Variants in KALRN observed in about 807,000 individuals in gnomAD.
KALRN encodes kalirin RhoGEF kinase.
In KALRN, 70 loss-of-function variants were observed where a neutral mutation model predicts 353.7. The observed-to-expected ratio is 0.20, with a 90% CI of 0.16 to 0.24. KALRN has a LOEUF of 0.24. Ranked by LOEUF, KALRN falls within the 10% of genes least tolerant of loss-of-function variation. The pLI is 1.00. For synonymous variants in KALRN, 1,391 were observed against 1,434.8 expected, an observed-to-expected ratio of 0.97 and a Z score of 0.69; for missense variants, 2,791 against 3,756.7, an observed-to-expected ratio of 0.74 and a Z score of 6.72.
intron 10 of KALRN, among the ~76,000 whole-genome samples, chr3:124,368,502 A>G (rs2085330819): frequency 7.0e-6 from 1 of 143,294 alleles, no homozygotes; most frequent in Admixed American, 6.9e-5. Context: ...CCTAGATGTG[A>G]TGGTGGCTGG....
intron 32 of KALRN, 82 bp downstream of exon 32, chr3:124,492,964 G>A (rs565912093): frequency 7.2e-6 from 11 of 1,520,250 alleles, no homozygotes; most frequent in African/African-American, 2.7e-5. Context: ...GCTTCTGAAG[G>A]GGGATGTGCC....
chr3:124,594,672 G>T (rs1453440961), intron 34 of KALRN, among the ~76,000 whole-genome samples: 8 of 152,328 alleles, frequency 5.3e-5, no homozygotes, highest in African/African-American at 1.9e-4. Context: ...ATCTTTCCAG[G>T]ATCAGATTAT....
At chr3:124,382,169 G>A (rs979432986) in intron 10 of KALRN, among the ~76,000 whole-genome samples, 3 of 152,176 alleles carry the variant, frequency 2.0e-5, no homozygotes, top group Admixed American at 6.5e-5. Context: ...AACTTCATAG[G>A]GTTATTGCGA....
chr3:124,143,779 A>G (rs1364911261), intron 1 of KALRN, among the ~76,000 whole-genome samples: 1 of 152,224 alleles, frequency 6.6e-6, no homozygotes, highest in Non-Finnish European at 1.5e-5. Context: ...AAAGCTTCCA[A>G]TAAAGACTAA....
chr3:124,347,320 G>GTA lies in KALRN; in HGVS notation c.1770+56_1770+57insAT. On this transcript the variant is annotated intron_variant, in intron 10 of 59. Transcript: ENST00000682506. ...TGTGTGTGTGTGTGTGTGTGTGTGTGTCTAGATGAGGGAGGCATGATGACT... is the reference window on the plus strand; with the variant it reads ...TGTGTGTGTGTGTGTGTGTGTGTGTGTATCTAGATGAGGGAGGCATGATGACT... The GTA allele has an allele frequency of 2.6e-6, 4 of 1,515,420 alleles. No homozygotes were observed. The East Asian group carries it at 9.8e-5, about 37-fold the overall frequency. 93.9% of individuals were successfully genotyped at this position (1,515,420 alleles called of 1,614,324 possible).
chr3:124,132,477 C>T (rs986462505), intron 1 of KALRN, among the ~76,000 whole-genome samples: 4 of 152,196 alleles, frequency 2.6e-5, no homozygotes, highest in Non-Finnish European at 5.9e-5. Flanking sequence ...AACACATACT[C>T]CTGGACTTCT....
intron 33 of KALRN, among the ~76,000 whole-genome samples, chr3:124,499,176 G>A (rs542857453): frequency 8.5e-5 from 13 of 152,236 alleles, no homozygotes; most frequent in African/African-American, 3.1e-4. Context: ...AACCATTAAA[G>A]AGCCATGACA....
At chr3:124,198,052 G>C (rs1208810093) in intron 1 of KALRN, among the ~76,000 whole-genome samples, 3 of 152,166 alleles carry the variant, frequency 2.0e-5, no homozygotes, top group Admixed American at 6.5e-5. Context: ...CAGACCCAGA[G>C]AGACAGACAT....
chr3:124,423,721 A>G (rs767763568), intron 15 of KALRN, among the ~76,000 whole-genome samples: 4 of 152,164 alleles, frequency 2.6e-5, no homozygotes, highest in Non-Finnish European at 5.9e-5. Context: ...AATTCTCAAT[A>G]TTAGCTGAAT....
At chr3:124,643,080 G>T (rs975963090) in intron 37 of KALRN, among the ~76,000 whole-genome samples, 1 of 152,046 alleles carries the variant, frequency 6.6e-6, no homozygotes, top group African/African-American at 2.4e-5. Flanking sequence ...GCCTCCCAAA[G>T]TGCTGGGATT....
chr3:124,575,945 T>C (rs896086936), intron 34 of KALRN, among the ~76,000 whole-genome samples: 3 of 152,106 alleles, frequency 2.0e-5, no homozygotes, highest in Non-Finnish European at 4.4e-5. Flanking sequence ...GATGTGGACA[T>C]CTTTGGCGGA....
chr3:124,036,064 T>G (rs2039389996), intron 1 of KALRN, among the ~76,000 whole-genome samples: 1 of 152,244 alleles, frequency 6.6e-6, no homozygotes, highest in African/African-American at 2.4e-5. Flanking sequence ...TTTTTATTTT[T>G]TGTTGTTAAT....
At chr3:124,265,207 T>C (rs187994208) in intron 4 of KALRN, among the ~76,000 whole-genome samples, 34 of 152,124 alleles carry the variant, frequency 2.2e-4, no homozygotes, top group Admixed American at 1.9e-3. Flanking sequence ...GATTGTTAAC[T>C]ATAATTCCTC....
chr3:124,619,141 T>TA (rs978051269), intron 34 of KALRN, among the ~76,000 whole-genome samples: 1 of 147,396 alleles, frequency 6.8e-6, no homozygotes, highest in Non-Finnish European at 1.5e-5. Flanking sequence ...TTTTTTTTTT[T>TA]AAGATTCCAC....
rs763598108 is a variant in KALRN, at chr3:124,724,829, G to A, written c.*5359G>A. On this transcript the variant is annotated 3_prime_UTR_variant, in exon 60 of 60. Coordinates refer to ENST00000682506, the MANE Select transcript of KALRN (RefSeq NM_001388419.1). Reference sequence around the variant, plus strand: ...AGCAATCACTCTAAGACAACTTTTCGTCTTTGAGGGACATTATGATAAGCC... The same window carrying A: ...AGCAATCACTCTAAGACAACTTTTCATCTTTGAGGGACATTATGATAAGCC... The A allele has an allele frequency of 9.2e-5, 14 of 152,134 alleles. No homozygotes were observed. The highest frequency in any genetic ancestry group is 1.3e-4 in the Admixed American group (2 of 15,278). 9.4% of individuals were successfully genotyped at this position (152,134 alleles called of 1,614,324 possible).
chr3:124,392,543 T>G (rs2089554495), intron 11 of KALRN, among the ~76,000 whole-genome samples: 1 of 149,996 alleles, frequency 6.7e-6, no homozygotes, highest in African/African-American at 2.4e-5. Flanking sequence ...AAACTTTTTT[T>G]TTTTGGAGAC....
At chr3:124,121,962 T>G (rs1024734921) in intron 1 of KALRN, among the ~76,000 whole-genome samples, 8 of 152,206 alleles carry the variant, frequency 5.3e-5, no homozygotes, top group Non-Finnish European at 5.9e-5. Context: ...CATAGCATTC[T>G]TCTCCTTTTG....
At chr3:124,189,414 GA>G (rs1438367419) in intron 1 of KALRN, among the ~76,000 whole-genome samples, 2 of 152,118 alleles carry the variant, frequency 1.3e-5, no homozygotes, top group African/African-American at 2.4e-5. Flanking sequence ...CAGGAGTTTT[GA>G]AAAAGGGACA....
chr3:124,460,073 C>T (rs532848200), intron 23 of KALRN, among the ~76,000 whole-genome samples: 8 of 152,258 alleles, frequency 5.3e-5, no homozygotes, highest in South Asian at 2.1e-4. Flanking sequence ...TGGCTGTTTC[C>T]GTGCTCACGT....
Sources: gnomAD v4.1 joint callset for allele counts (sites outside exome capture counted in the v4.1 genomes callset) on GRCh38, gnomAD v4.1.1 for gene constraint, MANE v1.5 for transcripts, NCBI Gene and HGNC (gene_info 2026-07-23, HGNC 2026-07-21) for gene names.